PLPPR5: variants seen among roughly 807,000 people sequenced by gnomAD.
PLPPR5 encodes phospholipid phosphatase related 5, also known as phospholipid phosphatase-related protein type 5.
Under a neutral mutation model 33.9 loss-of-function variants are expected in PLPPR5, and 16 were observed. The observed-to-expected ratio is 0.47, with a 90% CI of 0.32 to 0.72. The LOEUF (loss-of-function observed/expected upper bound fraction) is 0.72, where lower values mean the gene tolerates loss of function less well. PLPPR5 is among the 30% of genes least tolerant of loss of function. The pLI, the probability that PLPPR5 is intolerant of heterozygous loss-of-function variation, is 0.03. For missense variants in PLPPR5, 301 were observed against 406.7 expected (o/e 0.74, Z 2.23); for synonymous variants, 163 against 150.3 (o/e 1.08, Z -0.62).
At chr1:98,993,669 T>A (rs1435371567) in intron 1 of PLPPR5, among the ~76,000 whole-genome samples, 3 of 152,086 alleles carry the variant, frequency 2.0e-5, no homozygotes, top group African/African-American at 7.2e-5. Flanking sequence ...ATTATCTCTA[T>A]CCAGGACTGC....
At chr1:98,913,743 A>C (rs950913090) in intron 5 of PLPPR5, among the ~76,000 whole-genome samples, 2 of 152,220 alleles carry the variant, frequency 1.3e-5, no homozygotes, top group Non-Finnish European at 2.9e-5. Context: ...TATTGACCAA[A>C]TGTGGAACTG....
intron 4 of PLPPR5, among the ~76,000 whole-genome samples, chr1:98,920,199 T>C (rs1184247768): frequency 6.6e-6 from 1 of 151,928 alleles, no homozygotes; most frequent in African/African-American, 2.4e-5. Flanking sequence ...AGGTTGGCCT[T>C]GTAAGGTAAG....
chr1:98,894,025 CAT>C (rs1230966028), intron 5 of PLPPR5, among the ~76,000 whole-genome samples: 8 of 151,826 alleles, frequency 5.3e-5, no homozygotes, highest in Non-Finnish European at 7.4e-5. Flanking sequence ...TTCATCAAAA[CAT>C]ATTTAAAATG....
intron 1 of PLPPR5, among the ~76,000 whole-genome samples, chr1:98,984,261 A>G (rs1347729866): frequency 6.6e-6 from 1 of 152,034 alleles, no homozygotes; most frequent in Non-Finnish European, 1.5e-5. Context: ...CTGCCAAAGC[A>G]TTACATGACC....
At chr1:98,899,880 T>C (rs1489014213) in intron 5 of PLPPR5, among the ~76,000 whole-genome samples, 2 of 152,140 alleles carry the variant, frequency 1.3e-5, no homozygotes, top group African/African-American at 2.4e-5. Context: ...TGAAATTTCA[T>C]GGAAGTCTAT....
At chr1:98,914,192 C>T (rs1405279261) in intron 5 of PLPPR5, among the ~76,000 whole-genome samples, 2 of 152,186 alleles carry the variant, frequency 1.3e-5, no homozygotes, top group Admixed American at 6.5e-5. Context: ...ATGTGTGAGA[C>T]CAGTACACAA....
chr1:98,898,098 GTTTCT>G (rs1384800533), intron 5 of PLPPR5, among the ~76,000 whole-genome samples: 1 of 152,014 alleles, frequency 6.6e-6, no homozygotes, highest in African/African-American at 2.4e-5. Flanking sequence ...CCAACAAAAT[GTTTCT>G]TTTAAGATTG....
At chr1:98,968,205 A>C (rs1470357772) in intron 1 of PLPPR5, among the ~76,000 whole-genome samples, 2 of 152,158 alleles carry the variant, frequency 1.3e-5, no homozygotes, top group Non-Finnish European at 2.9e-5. Context: ...CACTCATGTT[A>C]TATACTTATA....
intron 1 of PLPPR5, among the ~76,000 whole-genome samples, chr1:98,989,292 C>T (rs576239031): frequency 6.6e-6 from 1 of 152,202 alleles, no homozygotes; most frequent in African/African-American, 2.4e-5. Context: ...TGGAATTATT[C>T]TCCTAATAAT....
chr1:98,912,383 G>A (rs1649185494), intron 5 of PLPPR5, among the ~76,000 whole-genome samples: 1 of 152,162 alleles, frequency 6.6e-6, no homozygotes, highest in Non-Finnish European at 1.5e-5. Flanking sequence ...GAACCATCTA[G>A]GCTGGGTGAA....
At chr1:98,997,921 T>C (rs1302035584) in intron 1 of PLPPR5, among the ~76,000 whole-genome samples, 1 of 151,922 alleles carries the variant, frequency 6.6e-6, no homozygotes, top group African/African-American at 2.4e-5. Context: ...AGAAGCCACA[T>C]GGATAGTGAG....
At chr1:98,925,627 T>C (rs922178433) in intron 3 of PLPPR5, among the ~76,000 whole-genome samples, 3 of 152,206 alleles carry the variant, frequency 2.0e-5, no homozygotes, top group Admixed American at 6.5e-5. Flanking sequence ...CATCCTTTTT[T>C]GTGTAAATTG....
intron 3 of PLPPR5, among the ~76,000 whole-genome samples, chr1:98,935,087 A>G (rs1373866229): frequency 6.6e-6 from 1 of 152,184 alleles, no homozygotes; most frequent in African/African-American, 2.4e-5. Context: ...TGCATGTTAT[A>G]GGACTGGGTA....
chr1:98,953,622 A>G (rs114268416), intron 2 of PLPPR5, among the ~76,000 whole-genome samples: 336 of 152,240 alleles, frequency 2.2e-3, no homozygotes, highest in African/African-American at 7.8e-3. Context: ...GGGTAATGCA[A>G]TTGTTCATGG....
At chr1:98,915,923 G>A (rs1649327461) in intron 4 of PLPPR5, among the ~76,000 whole-genome samples, 1 of 152,092 alleles carries the variant, frequency 6.6e-6, no homozygotes, top group South Asian at 2.1e-4. Flanking sequence ...GGTATTCTTG[G>A]TAAAGGTATT....
In PLPPR5 at chr1:98,921,957, T is replaced by C. The variant is rs763500685; in HGVS notation, c.723A>G (p.Arg241=). The stretch of plus-strand genomic sequence containing the variant: ...ACCAATGATTTCGATATTCTGCTAC[T>C]CTGTTGAGTCCAGTAAGAAATGCCA... ...MCLAFLTGLN[R]VAEYRNHWSD... The change falls in exon 4 of 6, where the codon AGA becomes AGG. Residue 241 remains arginine (R), a synonymous_variant. Coordinates refer to ENST00000263177, the MANE Select transcript of PLPPR5 (RefSeq NM_001037317.2). 3.7e-6 allele frequency: 6 copies of C among 1,614,050 alleles called. No homozygotes were observed. In the Admixed American group the frequency reaches 1.0e-4, roughly 27 times the overall value.
At chr1:98,953,368 TG>T in intron 2 of PLPPR5, 48 bp from the exon 3 acceptor site, 2 of 1,290,048 alleles carry the variant, frequency 1.6e-6, no homozygotes, top group East Asian at 6.9e-5. Flanking sequence ...TGTGTGTGTG[TG>T]TGTGTGTGTG....
chr1:98,984,487 T>C (rs1652184499), intron 1 of PLPPR5, among the ~76,000 whole-genome samples: 1 of 152,072 alleles, frequency 6.6e-6, no homozygotes. Context: ...AAGTGGCCAT[T>C]ATGTAGAATG....
intron 1 of PLPPR5, among the ~76,000 whole-genome samples, chr1:98,960,732 G>A (rs767972069): frequency 1.2e-4 from 18 of 152,240 alleles, no homozygotes; most frequent in Non-Finnish European, 2.2e-4. Flanking sequence ...GAACACTTAG[G>A]AAGAAGTGTC....
Sources: gnomAD v4.1 joint callset for allele counts (sites outside exome capture counted in the v4.1 genomes callset) on GRCh38, gnomAD v4.1.1 for gene constraint, MANE v1.5 for transcripts, NCBI Gene and HGNC (gene_info 2026-07-23, HGNC 2026-07-21) for gene names.